Variants in SLC1A6 observed in about 807,000 individuals in gnomAD.
The protein encoded by SLC1A6 is excitatory amino acid transporter 4.
SLC1A6 carries 15 observed loss-of-function variants against 42.1 expected under a neutral mutation model. The observed-to-expected ratio is 0.36, with a 90% confidence interval of 0.24 to 0.55. SLC1A6 has a LOEUF of 0.55. Ranked by LOEUF, SLC1A6 falls within the 20% of genes least tolerant of loss-of-function variation. The pLI is 0.88. For missense variants in SLC1A6, 542 were observed against 772.5 expected (o/e 0.70, Z 3.54); for synonymous variants, 317 against 319.7 (o/e 0.99, Z 0.09).
chr19:14,987,250 T>C (rs891943777), intron 1 of SLC1A6, among the ~76,000 whole-genome samples: 1 of 151,950 alleles, frequency 6.6e-6, no homozygotes, highest in South Asian at 2.1e-4. Flanking sequence ...GAGCGGATCA[T>C]GAGGTCAGGA....
intron 1 of SLC1A6, among the ~76,000 whole-genome samples, chr19:14,989,813 GA>G (rs111761813): frequency 0.17 from 25,670 of 151,094 alleles, 3,020 homozygotes; most frequent in African/African-American, 0.33. Context: ...CCAACATGGT[GA>G]AAACCCATCT....
chr19:15,007,695 C>T (rs2045902363), intron 1 of SLC1A6, among the ~76,000 whole-genome samples: 1 of 152,010 alleles, frequency 6.6e-6, no homozygotes, highest in African/African-American at 2.4e-5. Flanking sequence ...GTTCTAGAGG[C>T]TCTTAGAGTC....
intron 6 of SLC1A6, 127 bp from the exon 7 acceptor site, chr19:14,956,836 C>T (rs557481228): frequency 9.9e-6 from 6 of 608,714 alleles, no homozygotes; most frequent in Middle Eastern, 3.2e-4. Flanking sequence ...ATACGGCACC[C>T]TACTCCATCC....
At chr19:15,006,437 C>T (rs10422676) in intron 1 of SLC1A6, among the ~76,000 whole-genome samples, 58,975 of 151,938 alleles carry the variant, frequency 0.39, 12,371 homozygotes, top group East Asian at 0.55. Flanking sequence ...AAGCCTCCAT[C>T]GCCAAAGGTT....
In SLC1A6 at chr19:14,979,054, A is replaced by T. The variant is rs566325828; in HGVS notation, c.-8+255T>A. Among the ~76,000 whole-genome samples, 309 of 35,204 alleles carry T rather than the reference A, an allele frequency of 8.8e-3. 1 individual carries two copies. Among genetic ancestry groups the T allele is most frequent in the African/African-American group, 0.074 (256 of 3,480 alleles). The allele number at this position is 35,204 out of a possible 152,430, so 23.1% of individuals were successfully genotyped here. ...TTCAGTCTCTCTCTCTCTCTGTCAC[A>T]CACACACACACACACACACACACAC... On this transcript the variant is annotated intron_variant, in intron 1 of 9. Coordinates refer to ENST00000594383, the MANE Select transcript of SLC1A6 (RefSeq NM_005071.3). This position sits in a 1 kb window ranked among gnomAD's most constrained non-coding sequence, Gnocchi z 4.2.
intron 1 of SLC1A6, among the ~76,000 whole-genome samples, chr19:14,998,900 TG>T (rs2045860140): frequency 9.8e-6 from 1 of 101,890 alleles, no homozygotes; most frequent in Admixed American, 1.1e-4. Context: ...TTATTTTTAA[TG>T]GAGTCTTGCT....
intron 1 of SLC1A6, among the ~76,000 whole-genome samples, chr19:14,997,238 T>C (rs998375980): frequency 6.6e-6 from 1 of 152,222 alleles, no homozygotes; most frequent in East Asian, 1.9e-4. Flanking sequence ...CTTACCTACC[T>C]ATGACCTGGA....
intron 1 of SLC1A6, chr19:14,977,143 G>A (rs2145216152): frequency 6.6e-6 from 1 of 152,130 alleles, no homozygotes; most frequent in East Asian, 1.9e-4. Flanking sequence ...GAAGTTGCCT[G>A]TAGATACCAA....
intron 1 of SLC1A6, among the ~76,000 whole-genome samples, chr19:14,987,903 G>T (rs1447750191): frequency 6.6e-6 from 1 of 152,164 alleles, no homozygotes; most frequent in Non-Finnish European, 1.5e-5. Context: ...CTGTTGCCCA[G>T]GCTGAAGTGC....
At chr19:14,955,432 AC>A (rs1321377373) in intron 7 of SLC1A6, among the ~76,000 whole-genome samples, 12 of 150,182 alleles carry the variant, frequency 8.0e-5, no homozygotes, top group Non-Finnish European at 1.0e-4. Flanking sequence ...AACAACAACA[AC>A]AACAAAAAAA....
chr19:14,971,160 A>AT (rs1427284421), intron 3 of SLC1A6, among the ~76,000 whole-genome samples: 2 of 152,114 alleles, frequency 1.3e-5, no homozygotes, highest in African/African-American at 2.4e-5. Flanking sequence ...TTATATGTGG[A>AT]TTTTTTACTG....
upstream of SLC1A6, among the ~76,000 whole-genome samples, chr19:14,984,544 C>G (rs180947002): frequency 3.3e-5 from 5 of 152,222 alleles, no homozygotes; most frequent in Admixed American, 2.6e-4. Flanking sequence ...TTCTTTGAGA[C>G]GACACCAAAA....
chr19:14,959,353 G>A (rs1304917632), intron 6 of SLC1A6, among the ~76,000 whole-genome samples: 6 of 152,242 alleles, frequency 3.9e-5, no homozygotes, highest in African/African-American at 1.4e-4. Flanking sequence ...AATGGAGACA[G>A]ACACAGTAGC....
At chr19:14,974,876 G>C (rs926626862) in intron 1 of SLC1A6, 1 of 150,704 alleles carries the variant, frequency 6.6e-6, no homozygotes, top group Non-Finnish European at 1.5e-5. Flanking sequence ...ACCTGAGACA[G>C]AATGTCGCTC....
intron 1 of SLC1A6, among the ~76,000 whole-genome samples, chr19:15,002,438 G>A (rs1046336984): frequency 6.6e-6 from 1 of 152,072 alleles, no homozygotes; most frequent in African/African-American, 2.4e-5. Context: ...GCCTGGCTTG[G>A]ATTTCTTCAG....
intron 1 of SLC1A6, among the ~76,000 whole-genome samples, chr19:14,992,499 G>A (rs936652867): frequency 1.3e-5 from 2 of 151,980 alleles, no homozygotes; most frequent in Non-Finnish European, 2.9e-5. Context: ...CCAGCACTTT[G>A]GGAGGCCGAG....
chr19:14,960,763 C>G (rs927158610), intron 6 of SLC1A6, among the ~76,000 whole-genome samples: 1 of 152,064 alleles, frequency 6.6e-6, no homozygotes, highest in Non-Finnish European at 1.5e-5. Flanking sequence ...TTACCAGGGA[C>G]TCGCAGGAAA....
In SLC1A6 at chr19:14,994,221, C is replaced by T. The variant is rs75018121; in HGVS notation, c.6+16264G>A. The stretch of plus-strand genomic sequence containing the variant: ...CCTCTGTCTTCTGGTTGGCTTCAAG[C>T]AATGGGAAGCCCTTACAGGAGGCAA... On this transcript the variant is annotated intron_variant, in intron 1 of 8. Coordinates refer to the SLC1A6 transcript ENST00000430939. 2.3e-3 allele frequency among the ~76,000 whole-genome samples: 348 copies of T among 152,140 alleles called. 2 individuals carry two copies. Among genetic ancestry groups the T allele is most frequent in the African/African-American group, 7.9e-3 (329 of 41,496 alleles).
chr19:14,970,225 A>G (rs892649581), intron 3 of SLC1A6, among the ~76,000 whole-genome samples: 49 of 151,922 alleles, frequency 3.2e-4, no homozygotes, highest in Admixed American at 2.8e-3. Context: ...ATGTATCACC[A>G]TATCCTGCTG....
Sources: gnomAD v4.1 joint callset for allele counts (sites outside exome capture counted in the v4.1 genomes callset) on GRCh38, gnomAD v4.1.1 for gene constraint, Gnocchi (gnomAD v3.1) non-coding constraint, MANE v1.5 for transcripts, NCBI Gene and HGNC (gene_info 2026-07-23, HGNC 2026-07-21) for gene names.